SLC30A3: variants seen among roughly 807,000 people sequenced by gnomAD.
The protein encoded by SLC30A3 is solute carrier family 30 member 3.
Under a neutral mutation model 35.6 loss-of-function variants are expected in SLC30A3, and 20 were observed. That is an observed-to-expected ratio of 0.56 (90% CI 0.39 to 0.82). The LOEUF (loss-of-function observed/expected upper bound fraction) is 0.82, where lower values mean the gene tolerates loss of function less well. Among genes scored for constraint, SLC30A3 ranks in the 40% least tolerant of loss-of-function variants. SLC30A3 has a pLI of 0.00. For synonymous variants in SLC30A3, 217 were observed against 224.7 expected, an observed-to-expected ratio of 0.97 and a Z score of 0.31; for missense variants, 401 against 530.6, an observed-to-expected ratio of 0.76 and a Z score of 2.40.
intron 1 of SLC30A3, among the ~76,000 whole-genome samples, chr2:27,268,272 AAG>A (rs1303397339): frequency 6.6e-6 from 1 of 152,152 alleles, no homozygotes; most frequent in Non-Finnish European, 1.5e-5. Flanking sequence ...AGGGAAGAAA[AAG>A]AGTTTGACCA....
Position 27,262,919 on chromosome 2 carries a change from CCG to C in SLC30A3, c.-15_-14del, listed in dbSNP as rs750873218. 2 of 1,551,912 alleles carry C rather than the reference CCG, an allele frequency of 1.3e-6. No individual in the cohort carries two copies. Among genetic ancestry groups the C allele is most frequent in the Non-Finnish European group, 1.7e-6 (2 of 1,156,708 alleles). ...GAGAGGGCTCCATGTTCCCGGTGCC[CCG>C]ACCGTCTAGGCCCCACCGAGGAAGA... On this transcript the variant is annotated 5_prime_UTR_variant, in exon 1 of 8. Transcript: ENST00000233535. This position sits in a 1 kb window ranked among gnomAD's most constrained non-coding sequence, Gnocchi z 7.5.
Position 27,258,362 on chromosome 2 carries a change from G to A in SLC30A3, c.278-55C>T. Reference sequence around the variant, plus strand: ...CCATTTAGAAAATATCATGTAGTGTGTATAGGCATGGAAAATAAATTGGGG... The same window carrying A: ...CCATTTAGAAAATATCATGTAGTGTATATAGGCATGGAAAATAAATTGGGG... On this transcript the variant is annotated intron_variant, in intron 2 of 7. Coordinates refer to ENST00000233535, the MANE Select transcript of SLC30A3 (RefSeq NM_003459.5). This position sits in a 1 kb window ranked among gnomAD's most constrained non-coding sequence, Gnocchi z 4.0. The A allele has an allele frequency of 4.8e-6, 7 of 1,472,124 alleles. No homozygotes were observed. The South Asian group carries it at 1.0e-4, about 22-fold the overall frequency. The allele number at this position is 1,472,124 out of a possible 1,614,324, so 91.2% of individuals were successfully genotyped here.
chr2:27,274,066 T>C (rs1677865045), intron 1 of SLC30A3, among the ~76,000 whole-genome samples: 1 of 152,208 alleles, frequency 6.6e-6, no homozygotes, highest in South Asian at 2.1e-4. Flanking sequence ...CTCACGCCTG[T>C]AATCCCAGCA....
chr2:27,262,862 C>G lies in SLC30A3; in HGVS notation c.45G>C (p.Leu15=), dbSNP rs1218873256. ...CGCCACCGCGGTCCCGGGGGCTCACCAGGCGAGTGGTCTCCAAGCCCCCAG... is the reference window on the plus strand; with the variant it reads ...CGCCACCGCGGTCCCGGGGGCTCACGAGGCGAGTGGTCTCCAAGCCCCCAG... ...PAAGGLETTR[L]VSPRDRGGAG... is the part of the protein sequence containing the mutation. The change falls in exon 1 of 8, where the codon CTG becomes CTC. Residue 15 remains leucine (L), a synonymous_variant. Coordinates refer to ENST00000233535, the MANE Select transcript of SLC30A3 (RefSeq NM_003459.5). The surrounding 1 kb of genome is among the most constrained non-coding windows in gnomAD (Gnocchi z 7.5). 2.6e-6 allele frequency: 4 copies of G among 1,567,180 alleles called. No homozygotes were observed. Among genetic ancestry groups the G allele is most frequent in the South Asian group, 2.3e-5 (2 of 86,242 alleles).
chr2:27,265,750 T>C (rs1677469761), upstream of SLC30A3, among the ~76,000 whole-genome samples: 1 of 152,104 alleles, frequency 6.6e-6, no homozygotes, highest in Admixed American at 6.5e-5. This position sits in a 1 kb window ranked among gnomAD's most constrained non-coding sequence, Gnocchi z 5.9. Flanking sequence ...CTCATGGTGA[T>C]GAAGTCCTTT....
chr2:27,266,485 T>A (rs1677499852), upstream of SLC30A3, among the ~76,000 whole-genome samples: 1 of 152,216 alleles, frequency 6.6e-6, no homozygotes, highest in Non-Finnish European at 1.5e-5. Context: ...TTTCTGGTCT[T>A]TAAATACTAT....
chr2:27,264,975 C>T (rs945939970), upstream of SLC30A3, among the ~76,000 whole-genome samples: 1 of 152,144 alleles, frequency 6.6e-6, no homozygotes, highest in Non-Finnish European at 1.5e-5. This position sits in a 1 kb window ranked among gnomAD's most constrained non-coding sequence, Gnocchi z 6.1. Context: ...AGCTGGGATG[C>T]GCAGCGGCCA....
chr2:27,256,995 T>C, intron 5 of SLC30A3, 102 bp from the exon 6 acceptor site: 2 of 1,116,354 alleles, frequency 1.8e-6, no homozygotes, highest in East Asian at 2.4e-5. Context: ...CTCAAAACCC[T>C]GAAGAGGGGA....
Position 27,262,559 on chromosome 2 carries a change from C to T in SLC30A3, c.95+253G>A, listed in dbSNP as rs963661115. Among the ~76,000 whole-genome samples the T allele has an allele frequency of 4.6e-5, 7 of 152,152 alleles. No individual in the cohort carries two copies. In the East Asian group the frequency reaches 1.4e-3, roughly 30 times the overall value. On this transcript the variant is annotated intron_variant, in intron 1 of 7. Transcript: ENST00000233535. This position sits in a 1 kb window ranked among gnomAD's most constrained non-coding sequence, Gnocchi z 7.5. ...CGGGGGTGGCGGAGGGGTCCGGCGG[C>T]CTGGGACGCCGGCCGGAGGGGAGTG...
chr2:27,263,372 C>A, upstream of SLC30A3: 3 of 460,820 alleles, frequency 6.5e-6, 1 homozygote, highest in South Asian at 4.7e-5. Context: ...CCACTCTGTG[C>A]ATGCCTGCGC....
At chr2:27,274,676 AAAAAG>A (rs1298071782) in intron 1 of SLC30A3, among the ~76,000 whole-genome samples, 5 of 150,670 alleles carry the variant, frequency 3.3e-5, no homozygotes, top group Admixed American at 6.6e-5. Context: ...AGCGTAAAAA[AAAAAG>A]AAAAGAAAAA....
chr2:27,273,672 C>T (rs1677837430), intron 1 of SLC30A3, among the ~76,000 whole-genome samples: 2 of 152,174 alleles, frequency 1.3e-5, no homozygotes, highest in Admixed American at 1.3e-4. Flanking sequence ...CCTCTCCCTG[C>T]ACTGACCACA....
intron 1 of SLC30A3, among the ~76,000 whole-genome samples, chr2:27,270,286 G>A (rs928120187): frequency 1.3e-5 from 2 of 152,164 alleles, no homozygotes; most frequent in Non-Finnish European, 2.9e-5. Context: ...TTAAAACAGA[G>A]GAAATGAGAG....
In SLC30A3 at chr2:27,262,065, TCG is replaced by T. The variant is rs1180118776; in HGVS notation, c.95+745_95+746del. The T allele has an allele frequency of 1.3e-5, 2 of 151,636 alleles. No individual in the cohort carries two copies. The highest frequency in any genetic ancestry group is 2.9e-5 in the Non-Finnish European group (2 of 67,884). 9.4% of individuals were successfully genotyped at this position (151,636 alleles called of 1,614,324 possible). The stretch of plus-strand genomic sequence containing the variant: ...TGGCCCACGGGGGTGGGCAGGGAGG[TCG>T]GACGGCCGCTCAGAGGGGCAGGTGG... On this transcript the variant is annotated intron_variant, in intron 1 of 7. Transcript: ENST00000233535. This position sits in a 1 kb window ranked among gnomAD's most constrained non-coding sequence, Gnocchi z 7.5.
intron 1 of SLC30A3, among the ~76,000 whole-genome samples, chr2:27,260,979 A>G (rs1677152681): frequency 6.6e-6 from 1 of 152,200 alleles, no homozygotes; most frequent in Admixed American, 6.5e-5. Context: ...GGCTTACTAC[A>G]TAAGGACAGG....
chr2:27,266,562 TTC>T (rs200727119), upstream of SLC30A3, among the ~76,000 whole-genome samples: 1,824 of 152,290 alleles, frequency 0.012, 36 homozygotes, highest in African/African-American at 0.042. Context: ...CACTGTACCA[TTC>T]TCTCTATTTT....
At position 27,255,692 on chromosome 2, in the gene SLC30A3, C is replaced by T; in HGVS notation, c.1019-232G>A. The T allele has an allele frequency of 1.8e-6, 1 of 542,210 alleles. No homozygotes were observed. The highest frequency in any genetic ancestry group is 2.1e-5 in the South Asian group (1 of 47,518). 33.6% of individuals were successfully genotyped at this position (542,210 alleles called of 1,614,324 possible). A position where few individuals can be genotyped will look rare whatever the true frequency, so the allele number is the denominator to read the frequency against. On this transcript the variant is annotated intron_variant, in intron 7 of 7. Transcript: ENST00000233535. This position sits in a 1 kb window ranked among gnomAD's most constrained non-coding sequence, Gnocchi z 5.2. ...ACTCTTTCCAGTCTCCTATTCTCTC[C>T]TGTCATTAAGTGTCAACATACAGCT...
intron 1 of SLC30A3, chr2:27,275,106 G>A (rs1413073921): frequency 4.7e-6 from 5 of 1,065,990 alleles, no homozygotes; most frequent in Non-Finnish European, 5.2e-6. Context: ...GGGACCAAGC[G>A]GAGAGCCCTA....
intron 1 of SLC30A3, chr2:27,261,850 C>G (rs957118010): frequency 6.6e-6 from 1 of 152,630 alleles, no homozygotes; most frequent in East Asian, 1.9e-4. Flanking sequence ...TTCTGCTCAC[C>G]CCCTCCCCCA....
Sources: gnomAD v4.1 joint callset for allele counts (sites outside exome capture counted in the v4.1 genomes callset) on GRCh38, gnomAD v4.1.1 for gene constraint, Gnocchi (gnomAD v3.1) non-coding constraint, MANE v1.5 for transcripts, NCBI Gene and HGNC (gene_info 2026-07-23, HGNC 2026-07-21) for gene names.